Variants in TUSC3 observed in about 807,000 individuals in gnomAD.
TUSC3 encodes tumor suppressor candidate 3, also known as dolichyl-diphosphooligosaccharide--protein glycosyltransferase subunit TUSC3.
Under a neutral mutation model 44.8 loss-of-function variants are expected in TUSC3, and 45 were observed. That is an observed-to-expected ratio of 1.00 (90% confidence interval 0.79 to 1.29). The LOEUF (loss-of-function observed/expected upper bound fraction) is 1.29, where lower values mean the gene tolerates loss of function less well. Among genes scored for constraint, TUSC3 ranks in the 50% most tolerant of loss-of-function variants. TUSC3 has a pLI of 0.00. For missense variants in TUSC3, 519 were observed against 437.9 expected (o/e 1.19, Z -1.65); for synonymous variants, 212 against 152.9 (o/e 1.39, Z -2.85).
chr8:15,624,656 C>T (rs1482368541), intron 2 of TUSC3, among the ~76,000 whole-genome samples: 1 of 152,086 alleles, frequency 6.6e-6, no homozygotes, highest in African/African-American at 2.4e-5. Context: ...TAATTGGATT[C>T]TTTAAATGAG....
At chr8:15,775,732 A>G in the TUSC3 span, among the ~76,000 whole-genome samples, 43 of 123,946 alleles carry the variant, frequency 3.5e-4, no homozygotes, top group African/African-American at 1.3e-3. Context: ...ACAAACATAT[A>G]TAACTATATA....
intron 1 of TUSC3, among the ~76,000 whole-genome samples, chr8:15,438,090 G>A (rs1015519503): frequency 2.0e-5 from 3 of 151,970 alleles, no homozygotes; most frequent in East Asian, 3.9e-4. Context: ...CTTTGTTGTC[G>A]ATGTGTGTTT....
rs560635131 is a variant in TUSC3, at chr8:15,704,597, G to C, written c.799-26069G>C. 4.6e-5 allele frequency among the ~76,000 whole-genome samples: 7 copies of C among 151,848 alleles called. No homozygotes were observed. In the South Asian group the frequency reaches 1.5e-3, roughly 32 times the overall value. Reference sequence around the variant, plus strand: ...AACTACTAAACTAGACTGTAACGCTGGTTCTCCACAGAACACATAAATACC... The same window carrying C: ...AACTACTAAACTAGACTGTAACGCTCGTTCTCCACAGAACACATAAATACC... On this transcript the variant is annotated intron_variant, in intron 6 of 10. Transcript: ENST00000503731.
At chr8:15,817,049 A>G in the TUSC3 span, among the ~76,000 whole-genome samples, 7 of 152,320 alleles carry the variant, frequency 4.6e-5, no homozygotes, top group South Asian at 6.2e-4. Flanking sequence ...TTAAAAAAAA[A>G]TCATGTTAAC....
rs186780011 is a variant in TUSC3, at chr8:15,585,570, G to C, written c.139-37510G>C. Among the ~76,000 whole-genome samples the C allele has an allele frequency of 1.7e-4, 26 of 152,266 alleles. No individual in the cohort carries two copies. In the East Asian group the frequency reaches 5.0e-3, roughly 29 times the overall value. ...GGGCTGGGCATCTCATTTGCATAAA[G>C]CGTGAATTTCTTGTAGCTCCACCCT... On this transcript the variant is annotated intron_variant, in intron 1 of 10. Transcript: ENST00000503731.
intron 1 of TUSC3, among the ~76,000 whole-genome samples, chr8:15,581,570 C>A (rs1585122256): frequency 6.7e-6 from 1 of 148,642 alleles, no homozygotes; most frequent in African/African-American, 2.5e-5. Flanking sequence ...TGTTGGAATA[C>A]CCTGCAGTGT....
At chr8:15,712,864 C>G (rs979467685) in intron 6 of TUSC3, among the ~76,000 whole-genome samples, 2 of 152,050 alleles carry the variant, frequency 1.3e-5, no homozygotes, top group African/African-American at 4.8e-5. Flanking sequence ...TTATCTGTGT[C>G]CATTAAGTTT....
At chr8:15,820,895 T>A in the TUSC3 span, among the ~76,000 whole-genome samples, 36 of 152,310 alleles carry the variant, frequency 2.4e-4, no homozygotes, top group Middle Eastern at 0.017. Flanking sequence ...GAGGTTGCAA[T>A]GTATGTAGAT....
chr8:15,769,356 G>T (rs529489829), downstream of TUSC3, among the ~76,000 whole-genome samples: 2 of 152,164 alleles, frequency 1.3e-5, no homozygotes, highest in African/African-American at 4.8e-5. Flanking sequence ...AAATGGTGAT[G>T]GGAAAACTGG....
At chr8:15,783,795 G>C in the TUSC3 span, among the ~76,000 whole-genome samples, 1 of 152,174 alleles carries the variant, frequency 6.6e-6, no homozygotes, top group South Asian at 2.1e-4. Flanking sequence ...CATTGGTCTG[G>C]GCAGTAATTT....
intron 2 of TUSC3, among the ~76,000 whole-genome samples, chr8:15,493,454 G>C (rs995024616): frequency 1.3e-5 from 2 of 152,050 alleles, no homozygotes; most frequent in African/African-American, 4.8e-5. Flanking sequence ...GCATAGACAA[G>C]ATCTTGCTAT....
chr8:15,437,352 C>T (rs1337182520), intron 1 of TUSC3, among the ~76,000 whole-genome samples: 1 of 152,156 alleles, frequency 6.6e-6, no homozygotes, highest in African/African-American at 2.4e-5. Context: ...TACTACATTT[C>T]TAAGCAGCTT....
At chr8:15,495,859 T>C (rs1161988097) in intron 2 of TUSC3, among the ~76,000 whole-genome samples, 4 of 152,182 alleles carry the variant, frequency 2.6e-5, no homozygotes, top group African/African-American at 9.7e-5. Flanking sequence ...ATAGTACAAA[T>C]GGAGTAGTAT....
the TUSC3 span, among the ~76,000 whole-genome samples, chr8:15,788,448 G>A: frequency 6.6e-6 from 1 of 151,572 alleles, no homozygotes; most frequent in Non-Finnish European, 1.5e-5. Context: ...TTGGGAGGCT[G>A]AGGCAGGAGA....
rs7820815 is a variant in TUSC3 at position 15,498,378 on chromosome 8, T to C, written n.189+14895T>C. 5.1e-3 allele frequency among the ~76,000 whole-genome samples: 775 copies of C among 151,994 alleles called. 7 individuals carry two copies. Among genetic ancestry groups the C allele is most frequent in the African/African-American group, 0.018 (742 of 41,462 alleles). On this transcript the variant is annotated intron_variant and non_coding_transcript_variant, in intron 2 of 5. Transcript: ENST00000503191. Reference sequence around the variant, plus strand: ...CTGAAAGTGAAAATAAGAGAGAAGGTGTTGGAGATGTGAATAGAAGAATAG... The same window carrying C: ...CTGAAAGTGAAAATAAGAGAGAAGGCGTTGGAGATGTGAATAGAAGAATAG...
chr8:15,425,306 A>G (rs1799789936), intron 1 of TUSC3, among the ~76,000 whole-genome samples: 2 of 152,222 alleles, frequency 1.3e-5, no homozygotes, highest in South Asian at 4.1e-4. Flanking sequence ...CAACCTCCAC[A>G]GTTGTGTGAT....
upstream of TUSC3, among the ~76,000 whole-genome samples, chr8:15,536,151 A>G (rs1009319516): frequency 2.0e-5 from 3 of 152,206 alleles, no homozygotes; most frequent in African/African-American, 7.2e-5. Context: ...ACAGCAGTAC[A>G]AAGTGTAGAG....
At chr8:15,565,063 C>T (rs143455620) in intron 1 of TUSC3, among the ~76,000 whole-genome samples, 5 of 152,026 alleles carry the variant, frequency 3.3e-5, no homozygotes, top group South Asian at 4.2e-4. Flanking sequence ...CAACAGCAAT[C>T]GATTATCTTA....
chr8:15,723,652 G>A (rs73665488), intron 6 of TUSC3, among the ~76,000 whole-genome samples: 1 of 152,074 alleles, frequency 6.6e-6, no homozygotes, highest in Non-Finnish European at 1.5e-5. Context: ...CCAAGGATAG[G>A]ACTACAAACA....
Sources: allele counts gnomAD v4.1 joint callset (sites outside exome capture counted in the v4.1 genomes callset), GRCh38; gene constraint gnomAD v4.1.1; transcripts MANE v1.5; gene names NCBI Gene and HGNC (gene_info 2026-07-23, HGNC 2026-07-21).